The following IFRD1 variants were observed in gnomAD, a reference collection of about 807,000 sequenced individuals.
IFRD1 encodes the protein interferon-related developmental regulator 1.
IFRD1 carries 35 observed loss-of-function variants against 52.9 expected under a neutral mutation model. The observed-to-expected ratio is 0.66, with a 90% CI of 0.51 to 0.88. IFRD1 has a LOEUF of 0.88. Ranked by LOEUF, IFRD1 falls within the 40% of genes least tolerant of loss-of-function variation. The probability of loss-of-function intolerance (pLI) is 0.00; values close to 1 mark genes in which losing one functional copy is unlikely to be tolerated. For synonymous variants in IFRD1, 184 were observed against 188.4 expected, an observed-to-expected ratio of 0.98 and a Z score of 0.19; for missense variants, 517 against 550.8, an observed-to-expected ratio of 0.94 and a Z score of 0.61.
At chr7:112,455,075 G>A (rs769709590) in intron 1 of IFRD1, among the ~76,000 whole-genome samples, 1 of 151,594 alleles carries the variant, frequency 6.6e-6, no homozygotes, top group Non-Finnish European at 1.5e-5. Context: ...TGTTGGCCAG[G>A]CAGGTCTCAA....
At chr7:112,439,343 A>G (rs1453691189) in intron 1 of IFRD1, among the ~76,000 whole-genome samples, 1 of 152,218 alleles carries the variant, frequency 6.6e-6, no homozygotes, top group Admixed American at 6.5e-5. Context: ...ATTTTTACTT[A>G]TTTCTGAATG....
intron 8 of IFRD1, among the ~76,000 whole-genome samples, chr7:112,463,838 ATATACACATT>A (rs1212709599): frequency 7.0e-6 from 1 of 143,640 alleles, no homozygotes; most frequent in African/African-American, 2.6e-5. Context: ...ATATACATAT[ATATACACATT>A]TATATACACA....
intron 1 of IFRD1, among the ~76,000 whole-genome samples, chr7:112,434,443 C>G (rs1404061495): frequency 6.6e-6 from 1 of 152,124 alleles, no homozygotes; most frequent in Non-Finnish European, 1.5e-5. Flanking sequence ...CCCTGGATCC[C>G]ACAGCAGGAA....
At position 112,464,019 on chromosome 7, in the gene IFRD1, C is replaced by A. The variant is rs190191122; in HGVS notation, c.906+1641C>A. Among the ~76,000 whole-genome samples the A allele has an allele frequency of 2.3e-3, 342 of 148,978 alleles. 1 individual carries two copies. The highest frequency in any genetic ancestry group is 8.0e-3 in the African/African-American group (325 of 40,512). ...AAATGAACTGGGTTACAAAACAGAA[C>A]CTAGTGTTTTTATTTGCTTTTTTTT... is the stretch of plus-strand genomic sequence containing the variant. On this transcript the variant is annotated intron_variant, in intron 8 of 11. Coordinates refer to ENST00000403825, the MANE Select transcript of IFRD1 (RefSeq NM_001550.4).
chr7:112,464,504 C>G (rs1795560543), intron 8 of IFRD1, among the ~76,000 whole-genome samples: 1 of 152,134 alleles, frequency 6.6e-6, no homozygotes. Flanking sequence ...GGCAACTTCT[C>G]TATGCCTCGG....
chr7:112,433,513 G>A (rs1191103218), intron 1 of IFRD1, among the ~76,000 whole-genome samples: 1 of 152,198 alleles, frequency 6.6e-6, no homozygotes, highest in Non-Finnish European at 1.5e-5. Flanking sequence ...ATTTGGGGAG[G>A]TTCAGAATCT....
intron 10 of IFRD1, 30 bp from the exon 11 acceptor site, chr7:112,472,736 G>A (rs1451071082): frequency 3.2e-5 from 42 of 1,325,372 alleles, no homozygotes; most frequent in Non-Finnish European, 4.5e-5. Flanking sequence ...GTTTAATACT[G>A]AGCCATACCA....
intron 1 of IFRD1, among the ~76,000 whole-genome samples, chr7:112,434,312 C>T (rs1469443307): frequency 2.0e-5 from 3 of 152,040 alleles, no homozygotes; most frequent in African/African-American, 4.8e-5. Flanking sequence ...TGAAATGAAG[C>T]CTATATACTA....
rs997738039 is a variant in IFRD1, at chr7:112,462,063, A to G, written c.681A>G (p.Lys227=). The change falls in exon 7 of 12, where the codon AAA becomes AAG. Residue 227 remains lysine (K), a synonymous_variant. Coordinates refer to ENST00000403825, the MANE Select transcript of IFRD1 (RefSeq NM_001550.4). ...NIFTKSYLKE[K]DTTVICSTPN... is the part of the protein sequence containing the mutation. ...TCACTAAATCCTATCTCAAAGAGAAAGACACTACTGTTATTTGCAGCACTC... is the reference window on the plus strand; with the variant it reads ...TCACTAAATCCTATCTCAAAGAGAAGGACACTACTGTTATTTGCAGCACTC... The G allele has an allele frequency of 2.5e-6, 4 of 1,613,556 alleles. No individual in the cohort carries two copies. The highest frequency in any genetic ancestry group is 3.4e-6 in the Non-Finnish European group (4 of 1,179,670).
intron 1 of IFRD1, among the ~76,000 whole-genome samples, chr7:112,438,998 G>C (rs1272995352): frequency 1.3e-5 from 2 of 152,036 alleles, no homozygotes; most frequent in Non-Finnish European, 2.9e-5. Flanking sequence ...ACAACAACAA[G>C]AACAGTAACA....
At chr7:112,467,504 T>TTAAA (rs201636660) in intron 8 of IFRD1, 10,453 of 179,694 alleles carry the variant, frequency 0.058, 335 homozygotes, top group South Asian at 0.082. Flanking sequence ...TTTAATCACC[T>TTAAA]GAATTATGTG....
chr7:112,445,155 T>C (rs192947397), intron 1 of IFRD1, among the ~76,000 whole-genome samples: 2,209 of 148,708 alleles, frequency 0.015, 60 homozygotes, highest in African/African-American at 0.049. Context: ...CAAGCTCCGC[T>C]TCCCGAGTTC....
intron 9 of IFRD1, among the ~76,000 whole-genome samples, chr7:112,470,605 G>A (rs1795721827): frequency 6.6e-6 from 1 of 152,220 alleles, no homozygotes; most frequent in Non-Finnish European, 1.5e-5. Flanking sequence ...GGAACCTGTG[G>A]AGAAAGGAGC....
At chr7:112,447,647 C>G (rs765250565), upstream of IFRD1, among the ~76,000 whole-genome samples, 1 of 152,316 alleles carries the variant, frequency 6.6e-6, no homozygotes, top group African/African-American at 2.4e-5. Context: ...TGTTCCCTTT[C>G]GTGCTTCCCC....
chr7:112,472,373 T>G (rs1410746993), intron 10 of IFRD1, 26 bp downstream of exon 10: 3 of 1,613,754 alleles, frequency 1.9e-6, no homozygotes. Flanking sequence ...TCTACATATT[T>G]GCTTTTAAAG....
chr7:112,432,789 T>A (rs578209600), intron 1 of IFRD1, among the ~76,000 whole-genome samples: 2 of 152,174 alleles, frequency 1.3e-5, no homozygotes, highest in Non-Finnish European at 2.9e-5. Flanking sequence ...GGTTTATGGT[T>A]CAGCAGGTGA....
intron 1 of IFRD1, among the ~76,000 whole-genome samples, chr7:112,423,761 T>C (rs180884918): frequency 2.2e-3 from 331 of 152,216 alleles, no homozygotes; most frequent in Admixed American, 3.7e-3. Context: ...CCATGGAGGG[T>C]CCCACCTACA....
intron 1 of IFRD1, among the ~76,000 whole-genome samples, chr7:112,454,423 C>T (rs1795238544): frequency 6.6e-6 from 1 of 152,018 alleles, no homozygotes; most frequent in Non-Finnish European, 1.5e-5. Flanking sequence ...CAACTCCTGA[C>T]CTCAGGTGAT....
intron 1 of IFRD1, among the ~76,000 whole-genome samples, chr7:112,438,196 A>G (rs1794760582): frequency 6.6e-6 from 1 of 152,218 alleles, no homozygotes. Flanking sequence ...AATTGCTTGT[A>G]TCTCTCTAAG....
Sources: allele counts gnomAD v4.1 joint callset (sites outside exome capture counted in the v4.1 genomes callset), GRCh38; gene constraint gnomAD v4.1.1; transcripts MANE v1.5; gene names NCBI Gene and HGNC (gene_info 2026-07-23, HGNC 2026-07-21).